Variants in LNX1 observed in about 807,000 individuals in gnomAD.
LNX1 encodes the protein E3 ubiquitin-protein ligase LNX.
Under a neutral mutation model 68.4 loss-of-function variants are expected in LNX1, and 54 were observed. The ratio of observed to expected loss-of-function variants is 0.79; its 90% CI spans 0.63 to 0.99. The LOEUF (loss-of-function observed/expected upper bound fraction) is 0.99, where lower values mean the gene tolerates loss of function less well. LNX1 is among the 50% of genes least tolerant of loss of function. The pLI is 0.00. For missense variants in LNX1, 906 were observed against 926.4 expected, an observed-to-expected ratio of 0.98 and a Z score of 0.29; for synonymous variants, 336 against 350.0, an observed-to-expected ratio of 0.96 and a Z score of 0.45.
At chr4:53,605,370 C>T (rs193136631) in intron 2 of LNX1, among the ~76,000 whole-genome samples, 4 of 152,112 alleles carry the variant, frequency 2.6e-5, no homozygotes, top group Non-Finnish European at 2.9e-5. Context: ...AAAGTGATTA[C>T]TAGTCAAGCA....
rs558156177 is a variant in LNX1, at chr4:53,648,769, G to C, written c.-215+3399C>G. ...CTATGGCAAATAGACTTTCAGAACA[G>C]TTTCAAAAACTCCCTCAGTCCTGCC... On this transcript the variant is annotated intron_variant, in intron 1 of 2. Transcript: ENST00000507168. 5.9e-5 allele frequency among the ~76,000 whole-genome samples: 9 copies of C among 152,264 alleles called. 1 individual carries two copies. In the East Asian group the frequency reaches 1.5e-3, roughly 26 times the overall value.
intron 1 of LNX1, among the ~76,000 whole-genome samples, chr4:53,634,146 G>T (rs1429488190): frequency 6.6e-6 from 1 of 151,994 alleles, no homozygotes; most frequent in African/African-American, 2.4e-5. Flanking sequence ...TTAGCCTTGT[G>T]CACCCAATAC....
At chr4:53,639,770 G>A (rs560400022) in intron 1 of LNX1, among the ~76,000 whole-genome samples, 68 of 152,300 alleles carry the variant, frequency 4.5e-4, no homozygotes, top group Non-Finnish European at 7.9e-4. Context: ...AGTGGCTCAT[G>A]CCTGTAATCC....
At chr4:53,478,003 T>A (rs1483583509) in intron 8 of LNX1, among the ~76,000 whole-genome samples, 1 of 152,176 alleles carries the variant, frequency 6.6e-6, no homozygotes, top group Admixed American at 6.5e-5. Context: ...GACAATATTA[T>A]TAAGGATACA....
intron 2 of LNX1, among the ~76,000 whole-genome samples, chr4:53,521,672 C>T (rs1213877051): frequency 6.7e-6 from 1 of 149,626 alleles, no homozygotes; most frequent in African/African-American, 2.6e-5. Context: ...AAACATATTC[C>T]CAAAAATTGT....
chr4:53,616,371 C>G (rs1407037970), intron 2 of LNX1: 2 of 152,194 alleles, frequency 1.3e-5, no homozygotes, highest in African/African-American at 4.8e-5. Flanking sequence ...CTTCAGTGTC[C>G]TGCGCCTGGG....
chr4:53,481,319 C>T (rs1347737835), intron 7 of LNX1, among the ~76,000 whole-genome samples: 3 of 152,110 alleles, frequency 2.0e-5, no homozygotes, highest in Non-Finnish European at 2.9e-5. Flanking sequence ...CTAAAAGTAG[C>T]GGGGAAATCA....
At chr4:53,642,221 C>CT (rs1170767146) in intron 1 of LNX1, among the ~76,000 whole-genome samples, 1 of 92,772 alleles carries the variant, frequency 1.1e-5, no homozygotes, top group South Asian at 3.7e-4. Flanking sequence ...AAAATCCTAT[C>CT]TTAAAAAAAA....
intron 2 of LNX1, among the ~76,000 whole-genome samples, chr4:53,511,610 G>A (rs1726345264): frequency 6.6e-6 from 1 of 152,204 alleles, no homozygotes; most frequent in African/African-American, 2.4e-5. Flanking sequence ...ATCAAAGTGA[G>A]TAGAGGTAAA....
intron 1 of LNX1, chr4:53,576,101 T>C: frequency 1.3e-6 from 2 of 1,552,772 alleles, no homozygotes; most frequent in Non-Finnish European, 1.7e-6. Context: ...GCCAGCGTGG[T>C]ATTTGGGAGC....
rs142320407 is a variant in LNX1, at chr4:53,496,246, C to T, written c.1127G>A (p.Arg376Gln). 6.4e-5 allele frequency: 103 copies of T among 1,614,150 alleles called. No homozygotes were observed. Among genetic ancestry groups the T allele is most frequent in the Non-Finnish European group, 7.7e-5 (91 of 1,180,026 alleles). The change falls in exon 6 of 11, where the codon CGA (arginine) becomes CAA (glutamine). Residue 376 changes from arginine to glutamine, a missense_variant. Arg to Gln is a conservative substitution (Grantham distance 43). Transcript: ENST00000263925. ...GAGAATCACATGAAAGCTGTCATCT[C>T]GGGGTCTGTAGGCATCCGGGGCCTG... ...NGQAPDAYRPRDDSFHVILNK... is the reference protein window; with the variant it reads ...NGQAPDAYRPQDDSFHVILNK...
chr4:53,639,158 A>G (rs1173170576), intron 1 of LNX1, among the ~76,000 whole-genome samples: 2 of 152,350 alleles, frequency 1.3e-5, no homozygotes, highest in Non-Finnish European at 2.9e-5. Context: ...TCCATGAAAA[A>G]GAACAAAATC....
At chr4:53,628,489 A>T (rs1283755981) in intron 1 of LNX1, among the ~76,000 whole-genome samples, 1 of 152,212 alleles carries the variant, frequency 6.6e-6, no homozygotes, top group East Asian at 1.9e-4. Flanking sequence ...TCAAAAAAAC[A>T]GTAGAAGCAT....
chr4:53,575,541 A>T (rs1731428624), intron 1 of LNX1: 1 of 985,272 alleles, frequency 1.0e-6, no homozygotes, highest in African/African-American at 1.7e-5. Flanking sequence ...GGACACACAC[A>T]CAAGTAGGAG....
intron 9 of LNX1, among the ~76,000 whole-genome samples, chr4:53,473,061 C>T (rs1361276848): frequency 2.6e-5 from 4 of 151,818 alleles, no homozygotes; most frequent in Admixed American, 1.3e-4. Context: ...TTTCTTAAAA[C>T]TAAATAAAGT....
chr4:53,620,444 C>A (rs1733825977), upstream of LNX1, among the ~76,000 whole-genome samples: 1 of 152,178 alleles, frequency 6.6e-6, no homozygotes, highest in African/African-American at 2.4e-5. Context: ...ATTTGAGAAC[C>A]ACTAATCTAG....
intron 2 of LNX1, among the ~76,000 whole-genome samples, chr4:53,615,673 G>A (rs1422080053): frequency 6.6e-6 from 1 of 151,982 alleles, no homozygotes; most frequent in East Asian, 1.9e-4. Flanking sequence ...TGAAGTGGTT[G>A]GTAATACAAC....
chr4:53,590,313 CT>C (rs1732430705), intron 1 of LNX1, among the ~76,000 whole-genome samples: 1 of 152,194 alleles, frequency 6.6e-6, no homozygotes, highest in Admixed American at 6.5e-5. Flanking sequence ...AGCATAATTC[CT>C]AACAGATTAT....
intron 2 of LNX1, among the ~76,000 whole-genome samples, chr4:53,510,185 C>A (rs1321889003): frequency 6.6e-6 from 1 of 152,174 alleles, no homozygotes; most frequent in African/African-American, 2.4e-5. Flanking sequence ...CAACCAAGGG[C>A]AGGAGAAGCT....
Sources: allele counts gnomAD v4.1 joint callset (sites outside exome capture counted in the v4.1 genomes callset), GRCh38; gene constraint gnomAD v4.1.1; transcripts MANE v1.5; gene names NCBI Gene and HGNC (gene_info 2026-07-23, HGNC 2026-07-21).